The following ZNF141 variants were observed in gnomAD, a reference collection of about 807,000 sequenced individuals.
ZNF141 encodes zinc finger protein 141.
A neutral mutation model predicts 11.3 loss-of-function variants in ZNF141; 7 were observed. The ratio of observed to expected loss-of-function variants is 0.62; its 90% CI spans 0.35 to 1.16. ZNF141 has a LOEUF of 1.16. ZNF141 is among the 50% of genes most tolerant of loss of function. The pLI is 0.02. For synonymous variants in ZNF141, 183 were observed against 190.7 expected (o/e 0.96, Z 0.33); for missense variants, 535 against 554.0 (o/e 0.97, Z 0.34).
At chr4:358,494 T>G (rs1159261185) in intron 3 of ZNF141, 1 of 173,878 alleles carries the variant, frequency 5.8e-6, no homozygotes, top group Non-Finnish European at 1.2e-5. Context: ...CTCTCCTTCT[T>G]TTTTATAACT....
At position 375,442 on chromosome 4, in the gene ZNF141, A is replaced by G. The variant is rs1376343443; in HGVS notation, c.*1580A>G. On this transcript the variant is annotated 3_prime_UTR_variant, in exon 4 of 4. Transcript: ENST00000240499. ...AAAAACTGCAGCTTAAACAGTTTAC[A>G]CTAGAAAATATTTTGTAGATGCAGT... Among the ~76,000 whole-genome samples the G allele has an allele frequency of 6.6e-6, 1 of 152,158 alleles. No individual in the cohort carries two copies. Among genetic ancestry groups the G allele is most frequent in the African/African-American group, 2.4e-5 (1 of 41,454 alleles).
At position 373,821 on chromosome 4, in the gene ZNF141, C is replaced by T. The variant is rs567110286; in HGVS notation, c.1384C>T (p.Arg462Trp). The part of the protein sequence containing the change: ...KCKDCDKAFK[R>W]FSHLNKHKKI... ...TAAAGATTGTGACAAAGCCTTTAAA[C>T]GGTTCTCACACCTGAATAAACATAA... is the stretch of plus-strand genomic sequence containing the variant. The change falls in exon 4 of 4, where the codon CGG (arginine) becomes TGG (tryptophan). Residue 462 changes from arginine (R) to tryptophan (W), a missense_variant. Coordinates refer to ENST00000240499, the MANE Select transcript of ZNF141 (RefSeq NM_003441.4). The T allele has an allele frequency of 2.1e-5, 34 of 1,612,740 alleles. No homozygotes were observed. Among genetic ancestry groups the T allele is most frequent in the African/African-American group, 2.7e-5 (2 of 74,944 alleles).
intron 3 of ZNF141, among the ~76,000 whole-genome samples, chr4:362,344 T>A (rs2108713853): frequency 6.6e-6 from 1 of 152,342 alleles, no homozygotes; most frequent in African/African-American, 2.4e-5. Flanking sequence ...TTCACTCTGA[T>A]GGTAGTTTCT....
intron 1 of ZNF141, chr4:338,318 C>A (rs958863150): frequency 5.9e-6 from 2 of 337,468 alleles, no homozygotes; most frequent in Non-Finnish European, 1.1e-5. Context: ...CTGGGGATCC[C>A]GTCCCTGCTT....
At chr4:353,651 G>A (rs1302209036) in intron 3 of ZNF141, among the ~76,000 whole-genome samples, 4 of 151,620 alleles carry the variant, frequency 2.6e-5, no homozygotes, top group South Asian at 2.1e-4. Context: ...TAGTAGAGAC[G>A]AGGTTTCACC....
chr4:353,076 G>T (rs531385411), intron 3 of ZNF141, among the ~76,000 whole-genome samples: 2 of 152,242 alleles, frequency 1.3e-5, no homozygotes, highest in East Asian at 3.9e-4. Context: ...TTTGGTGTTG[G>T]AATAAAGATA....
rs1362360854 is a variant in ZNF141 at position 340,148 on chromosome 4, A to G, written c.3+2162A>G. Among the ~76,000 whole-genome samples, 7 of 152,248 alleles carry G rather than the reference A, an allele frequency of 4.6e-5. No homozygotes were observed. In the South Asian group the frequency reaches 8.3e-4, roughly 18 times the overall value. The stretch of plus-strand genomic sequence containing the variant: ...TAGGATTGTAGATGATTTTGCTGTT[A>G]TATTTTCCACACGCTGTCAAGAATT... On this transcript the variant is annotated intron_variant, in intron 1 of 3. Transcript: ENST00000240499.
At chr4:355,425 C>G (rs562897297) in intron 3 of ZNF141, among the ~76,000 whole-genome samples, 23 of 152,194 alleles carry the variant, frequency 1.5e-4, no homozygotes, top group African/African-American at 5.3e-4. Flanking sequence ...AGGCTGGTCT[C>G]GAACTCCTGA....
intron 1 of ZNF141, among the ~76,000 whole-genome samples, chr4:341,302 C>G (rs938169262): frequency 1.3e-5 from 2 of 152,176 alleles, no homozygotes; most frequent in South Asian, 4.2e-4. Flanking sequence ...ACCTTGTGAT[C>G]CACCCGCCTC....
chr4:372,938 T>C lies in ZNF141; in HGVS notation c.501T>C (p.His167=). 6.2e-7 allele frequency: 1 copy of C among 1,614,086 alleles called. No individual in the cohort carries two copies. The highest frequency in any genetic ancestry group is 8.5e-7 in the Non-Finnish European group (1 of 1,179,976). ...FSNSNKRKTR[H]TGEKHFKECG... ...ATTCAAACAAACGTAAGACAAGACA[T>C]ACTGGAGAGAAACACTTTAAAGAAT... Residue 167 remains histidine, a synonymous_variant, in exon 4 of 4, where the codon CAT becomes CAC. Coordinates refer to ENST00000240499, the MANE Select transcript of ZNF141 (RefSeq NM_003441.4).
chr4:342,824 G>C, intron 1 of ZNF141: 1 of 1,606,734 alleles, frequency 6.2e-7, no homozygotes, highest in Non-Finnish European at 8.5e-7. Flanking sequence ...ATTCAAACAG[G>C]TCCCCGAGGC....
chr4:370,271 T>C (rs557165580), intron 3 of ZNF141, among the ~76,000 whole-genome samples: 3 of 152,330 alleles, frequency 2.0e-5, no homozygotes, highest in African/African-American at 7.2e-5. Context: ...TGCACTATTA[T>C]AATGATACAG....
chr4:345,678 A>G (rs1721286005), intron 3 of ZNF141, among the ~76,000 whole-genome samples: 1 of 146,582 alleles, frequency 6.8e-6, no homozygotes, highest in Non-Finnish European at 1.5e-5. Context: ...CGGTTTGCCG[A>G]GATTTTGCCA....
At chr4:371,856 T>G (rs1306023877) in intron 3 of ZNF141, among the ~76,000 whole-genome samples, 6 of 152,202 alleles carry the variant, frequency 3.9e-5, no homozygotes, top group Non-Finnish European at 7.3e-5. Flanking sequence ...CTGAAAATTT[T>G]TAAATTGTTG....
intron 3 of ZNF141, among the ~76,000 whole-genome samples, chr4:371,332 A>G (rs1712049241): frequency 6.7e-6 from 1 of 149,986 alleles, no homozygotes; most frequent in Non-Finnish European, 1.5e-5. Flanking sequence ...CCCGGGTTCA[A>G]GCAATTCTCC....
intron 3 of ZNF141, among the ~76,000 whole-genome samples, chr4:365,037 G>A (rs1711670622): frequency 6.6e-6 from 1 of 152,194 alleles, no homozygotes; most frequent in South Asian, 2.1e-4. Flanking sequence ...CCTCAGCAAT[G>A]GTGGACGCTC....
In ZNF141 at chr4:372,804, T is replaced by G. The variant is rs1712135997; in HGVS notation, c.367T>G (p.Cys123Gly). Reference protein sequence around the residue: ...LRKGCKSLNECKLQKGGYNEF... With the variant: ...LRKGCKSLNEGKLQKGGYNEF... ...AAAAGGCTGTAAAAGTTTGAATGAGTGTAAGTTGCAGAAAGGAGGTTATAA... is the reference window on the plus strand; with the variant it reads ...AAAAGGCTGTAAAAGTTTGAATGAGGGTAAGTTGCAGAAAGGAGGTTATAA... The change falls in exon 4 of 4, where the codon TGT (cysteine) becomes GGT (glycine). Residue 123 changes from cysteine to glycine, a missense_variant. Cys to Gly is a radical substitution (Grantham distance 159). Coordinates refer to ENST00000240499, the MANE Select transcript of ZNF141 (RefSeq NM_003441.4). 3.1e-6 allele frequency: 5 copies of G among 1,613,742 alleles called. No individual in the cohort carries two copies. Among genetic ancestry groups the G allele is most frequent in the Middle Eastern group, 1.7e-4 (1 of 6,058 alleles).
chr4:355,378 G>A lies in ZNF141; in HGVS notation c.226+10948G>A, dbSNP rs1560188274. On this transcript the variant is annotated intron_variant, in intron 3 of 3. Coordinates refer to ENST00000240499, the MANE Select transcript of ZNF141 (RefSeq NM_003441.4). ...CCACCATCACGTCTGGCTAATTTTT[G>A]TATTTTTAGTAGAGACAGGGTTTCA... 2.6e-5 allele frequency among the ~76,000 whole-genome samples: 4 copies of A among 151,898 alleles called. No homozygotes were observed. The East Asian group carries it at 7.8e-4, about 29-fold the overall frequency.
intron 3 of ZNF141, among the ~76,000 whole-genome samples, chr4:356,401 C>T (rs1553851230): frequency 1.3e-5 from 2 of 151,918 alleles, no homozygotes; most frequent in African/African-American, 4.8e-5. Context: ...TCTCAGCTCA[C>T]TGCAACCTTC....
Sources: gnomAD v4.1 joint callset for allele counts (sites outside exome capture counted in the v4.1 genomes callset) on GRCh38, gnomAD v4.1.1 for gene constraint, MANE v1.5 for transcripts, NCBI Gene and HGNC (gene_info 2026-07-23, HGNC 2026-07-21) for gene names.